The following FRZB variants were observed in gnomAD, a reference collection of about 807,000 sequenced individuals.
FRZB encodes secreted frizzled-related protein 3.
A neutral mutation model predicts 32.5 loss-of-function variants in FRZB; 34 were observed. The ratio of observed to expected loss-of-function variants is 1.05; its 90% CI spans 0.80 to 1.39. The LOEUF (loss-of-function observed/expected upper bound fraction) is 1.39. FRZB is among the 40% of genes most tolerant of loss of function. The pLI, the probability that FRZB is intolerant of heterozygous loss-of-function variation, is 0.00. For synonymous variants in FRZB, 170 were observed against 159.2 expected (o/e 1.07, Z -0.51); for missense variants, 423 against 424.8 (o/e 1.00, Z 0.04).
At chr2:182,840,169 C>G (rs929608470) in intron 3 of FRZB, among the ~76,000 whole-genome samples, 2 of 152,086 alleles carry the variant, frequency 1.3e-5, no homozygotes, top group African/African-American at 4.8e-5. Context: ...AGTGGAGCCT[C>G]TTTCTATTCA....
intron 2 of FRZB, among the ~76,000 whole-genome samples, chr2:182,843,930 C>CAA (rs1052736185): frequency 4.1e-5 from 5 of 121,084 alleles, no homozygotes; most frequent in Admixed American, 8.4e-5. Flanking sequence ...GACCCCGTCT[C>CAA]AAAAAAAAAA....
chr2:182,846,600 C>G (rs1308730963), intron 2 of FRZB, among the ~76,000 whole-genome samples: 2 of 152,094 alleles, frequency 1.3e-5, no homozygotes, highest in African/African-American at 4.8e-5. Context: ...TAATTTTTAC[C>G]AGATGCACTG....
In FRZB at chr2:182,866,386, TG is replaced by T. The variant is rs1695893008; in HGVS notation, c.166del (p.His56ThrfsTer151). The T allele has an allele frequency of 6.2e-7, 1 of 1,612,600 alleles. No homozygotes were observed. The highest frequency in any genetic ancestry group is 8.5e-7 in the Non-Finnish European group (1 of 1,178,996). ...LPWNMTKMPN[H>X]LHHSTQANAI... ...GTTGGCCTGAGTGCTGTGGTGCAGG[TG>T]GTTGGGCATCTTAGTCATGTTCCAG... is the stretch of plus-strand genomic sequence containing the variant. On this transcript the variant is annotated frameshift_variant, in exon 1 of 6. Coordinates refer to ENST00000295113, the MANE Select transcript of FRZB (RefSeq NM_001463.4). LOFTEE classifies it high-confidence loss of function. The surrounding 1 kb of genome is among the most constrained non-coding windows in gnomAD (Gnocchi z 4.5).
At position 182,834,271 on chromosome 2, in the gene FRZB, G is replaced by A. The variant is rs978261195; in HGVS notation, c.*578C>T. 4.6e-5 allele frequency: 7 copies of A among 152,084 alleles called. No homozygotes were observed. Among genetic ancestry groups the A allele is most frequent in the African/African-American group, 1.7e-4 (7 of 41,382 alleles). 9.4% of individuals were successfully genotyped at this position (152,084 alleles called of 1,614,324 possible). ...ACAGTCTCAAAAATAATTCATCTTG[G>A]GTGTTGTTTCCTCATAAACACTTCC... On this transcript the variant is annotated 3_prime_UTR_variant, in exon 6 of 6. Transcript: ENST00000295113.
intron 5 of FRZB, among the ~76,000 whole-genome samples, chr2:182,836,195 A>G (rs1695523818): frequency 6.6e-6 from 1 of 152,048 alleles, no homozygotes; most frequent in South Asian, 2.1e-4. Context: ...CATTTGCATG[A>G]AAAAAACATA....
intron 3 of FRZB, 50 bp downstream of exon 3, chr2:182,842,428 C>G: frequency 7.5e-7 from 1 of 1,326,688 alleles, no homozygotes; most frequent in Non-Finnish European, 1.1e-6. Flanking sequence ...TGCATCCACA[C>G]ACCTCTCTTA....
At chr2:182,839,448 C>T (rs1360182062) in intron 3 of FRZB, among the ~76,000 whole-genome samples, 2 of 152,052 alleles carry the variant, frequency 1.3e-5, no homozygotes, top group Non-Finnish European at 2.9e-5. Flanking sequence ...CCCTCACGTG[C>T]TATGGAATAT....
chr2:182,834,516 G>T lies in FRZB; in HGVS notation c.*333C>A. On this transcript the variant is annotated 3_prime_UTR_variant, in exon 6 of 6. Coordinates refer to ENST00000295113, the MANE Select transcript of FRZB (RefSeq NM_001463.4). ...ATATTGCATTCCCAATTGGGGTGCA[G>T]AAAGTAAATTAACATCTGGAGACTC... 1 of 255,750 alleles carries T rather than the reference G, an allele frequency of 3.9e-6. No homozygotes were observed. 15.8% of individuals were successfully genotyped at this position (255,750 alleles called of 1,614,324 possible).
chr2:182,843,862 T>A (rs1362160930), intron 2 of FRZB, among the ~76,000 whole-genome samples: 1 of 151,294 alleles, frequency 6.6e-6, no homozygotes, highest in Non-Finnish European at 1.5e-5. Flanking sequence ...GCCCTGGAAG[T>A]CAAAGCTGCA....
chr2:182,860,613 A>AATCTCAGC (rs1160615246), intron 1 of FRZB, among the ~76,000 whole-genome samples: 1 of 152,160 alleles, frequency 6.6e-6, no homozygotes, highest in Non-Finnish European at 1.5e-5. Context: ...TCACACCTGT[A>AATCTCAGC]ATCTCAGCAC....
chr2:182,841,493 G>A (rs1208667263), intron 3 of FRZB, among the ~76,000 whole-genome samples: 1 of 151,980 alleles, frequency 6.6e-6, no homozygotes, highest in African/African-American at 2.4e-5. Flanking sequence ...GTAAAAGTCT[G>A]TTTAATCTCC....
At position 182,842,749 on chromosome 2, in the gene FRZB, G is replaced by A. The variant is rs534430222; in HGVS notation, c.527-206C>T. Among the ~76,000 whole-genome samples the A allele has an allele frequency of 1.1e-4, 16 of 152,234 alleles. No homozygotes were observed. In the South Asian group the frequency reaches 1.7e-3, roughly 16 times the overall value. On this transcript the variant is annotated intron_variant, in intron 2 of 5. Coordinates refer to ENST00000295113, the MANE Select transcript of FRZB (RefSeq NM_001463.4). ...TCTTATTCAATGTCAGTATGCTCAT[G>A]AGAACGAGTTTCCATTCTCAACAAA...
chr2:182,858,149 T>A (rs1580044), intron 2 of FRZB, among the ~76,000 whole-genome samples: 84,832 of 152,036 alleles, frequency 0.56, 23,972 homozygotes, highest in African/African-American at 0.6. Flanking sequence ...CTATTCCTAC[T>A]TATTTAGCCT....
At chr2:182,861,392 G>T (rs1259453837) in intron 1 of FRZB, among the ~76,000 whole-genome samples, 1 of 152,222 alleles carries the variant, frequency 6.6e-6, no homozygotes, top group Non-Finnish European at 1.5e-5. Flanking sequence ...ATGCACTCAG[G>T]ACAGCACCTA....
rs1057076977 is a variant in FRZB, at chr2:182,842,625, A to G, written c.527-82T>C. 5 of 1,059,314 alleles carry G rather than the reference A, an allele frequency of 4.7e-6. No homozygotes were observed. The Admixed American group carries it at 7.6e-5, about 16-fold the overall frequency. 65.6% of individuals were successfully genotyped at this position (1,059,314 alleles called of 1,614,324 possible). On this transcript the variant is annotated intron_variant, in intron 2 of 5. Transcript: ENST00000295113. ...GCTCAGACTCACATTTTTTGCTCAG[A>G]CTAGATCTCAATTTGGTGGTGAGAA...
In FRZB at chr2:182,834,684, G is replaced by A. The variant is rs552320594; in HGVS notation, c.*165C>T. On this transcript the variant is annotated 3_prime_UTR_variant, in exon 6 of 6. Coordinates refer to ENST00000295113, the MANE Select transcript of FRZB (RefSeq NM_001463.4). ...ATTACAAAGGGGTTGAGAGAAGAGA[G>A]AAGCAGAAACCAAAAGAGAAACAGA... is the stretch of plus-strand genomic sequence containing the variant. 7.4e-4 allele frequency: 466 copies of A among 631,272 alleles called. 2 individuals carry two copies. The Admixed American group carries it at 0.011, about 15-fold the overall frequency. The allele number at this position is 631,272 out of a possible 1,614,324, so 39.1% of individuals were successfully genotyped here. A position where few individuals can be genotyped will look rare whatever the true frequency, so the allele number is the denominator to read the frequency against.
intron 2 of FRZB, among the ~76,000 whole-genome samples, chr2:182,844,098 A>C (rs1695614541): frequency 1.3e-5 from 2 of 152,192 alleles, no homozygotes; most frequent in South Asian, 4.1e-4. Flanking sequence ...TTCCTGCCAG[A>C]GAAATAAGTA....
At chr2:182,836,338 A>G (rs1695525396) in intron 5 of FRZB, among the ~76,000 whole-genome samples, 1 of 152,144 alleles carries the variant, frequency 6.6e-6, no homozygotes, top group East Asian at 1.9e-4. Context: ...AAACTAAAAT[A>G]GGAATCTCAA....
chr2:182,845,949 C>G (rs182224203), intron 2 of FRZB, among the ~76,000 whole-genome samples: 1 of 152,168 alleles, frequency 6.6e-6, no homozygotes, highest in East Asian at 1.9e-4. Flanking sequence ...CCCAGTACTT[C>G]GCAGAAGTTA....
Sources: allele counts gnomAD v4.1 joint callset (sites outside exome capture counted in the v4.1 genomes callset), GRCh38; gene constraint gnomAD v4.1.1; non-coding constraint Gnocchi (gnomAD v3.1); transcripts MANE v1.5; gene names NCBI Gene and HGNC (gene_info 2026-07-23, HGNC 2026-07-21).